Variants in MAST2 observed in about 807,000 individuals in gnomAD.
The protein encoded by MAST2 is microtubule associated serine/threonine kinase 2.
A neutral mutation model predicts 147.4 loss-of-function variants in MAST2; 70 were observed. The observed-to-expected ratio is 0.47, with a 90% CI of 0.39 to 0.58. The LOEUF is 0.58. MAST2 is among the 20% of genes least tolerant of loss of function. The pLI is 0.00. For missense variants in MAST2, 2,080 were observed against 2,302.3 expected (o/e 0.90, Z 1.98); for synonymous variants, 869 against 896.8 (o/e 0.97, Z 0.55).
intron 3 of MAST2, among the ~76,000 whole-genome samples, chr1:45,875,608 G>T (rs1436093207): frequency 6.6e-6 from 1 of 152,142 alleles, no homozygotes; most frequent in Non-Finnish European, 1.5e-5. Context: ...GTTATAGGAT[G>T]ATGGTGGCTT....
At chr1:45,804,685 C>G (rs1644087171) in intron 1 of MAST2, among the ~76,000 whole-genome samples, 1 of 152,196 alleles carries the variant, frequency 6.6e-6, no homozygotes, top group African/African-American at 2.4e-5. Flanking sequence ...TAGTTTTCCA[C>G]TGAAAACACA....
At chr1:46,000,051 C>T (rs561086918) in intron 6 of MAST2, among the ~76,000 whole-genome samples, 1 of 152,258 alleles carries the variant, frequency 6.6e-6, no homozygotes, top group Non-Finnish European at 1.5e-5. Context: ...CAGTGGCTCA[C>T]GCCTGTAATC....
chr1:45,940,378 G>A (rs1421116618), intron 4 of MAST2, among the ~76,000 whole-genome samples: 3 of 152,028 alleles, frequency 2.0e-5, no homozygotes, highest in Non-Finnish European at 4.4e-5. Context: ...TTATTTCTAA[G>A]TATTTTAATA....
At chr1:45,849,117 T>G (rs1480838457) in intron 3 of MAST2, among the ~76,000 whole-genome samples, 2 of 152,216 alleles carry the variant, frequency 1.3e-5, no homozygotes, top group South Asian at 2.1e-4. Context: ...ACCATGCTCA[T>G]GGATAGGAAG....
At chr1:46,028,249 G>A (rs1453165115) in intron 17 of MAST2, among the ~76,000 whole-genome samples, 2 of 152,172 alleles carry the variant, frequency 1.3e-5, no homozygotes, top group African/African-American at 4.8e-5. Flanking sequence ...TCATATAACT[G>A]TTAGCACAGA....
rs557327108 is a variant in MAST2, at chr1:45,849,804, G to A, written c.468+20223G>A. Reference sequence around the variant, plus strand: ...GCCTCCCAAAGTGCTGGGATTACAGGCGTGAGCCACTGTGCCCCGCCCATA... The same window carrying A: ...GCCTCCCAAAGTGCTGGGATTACAGACGTGAGCCACTGTGCCCCGCCCATA... On this transcript the variant is annotated intron_variant, in intron 3 of 28. Transcript: ENST00000361297. Among the ~76,000 whole-genome samples the A allele has an allele frequency of 5.3e-5, 8 of 152,330 alleles. No homozygotes were observed. The East Asian group carries it at 1.5e-3, about 29-fold the overall frequency.
chr1:45,825,076 A>C (rs960462629), intron 2 of MAST2, among the ~76,000 whole-genome samples: 2 of 152,164 alleles, frequency 1.3e-5, no homozygotes, highest in Non-Finnish European at 2.9e-5. Context: ...CCCAGGCTGG[A>C]GTGCAGTGGT....
At chr1:45,978,004 C>T (rs1195099315) in intron 5 of MAST2, among the ~76,000 whole-genome samples, 1 of 151,596 alleles carries the variant, frequency 6.6e-6, no homozygotes, top group Non-Finnish European at 1.5e-5. Flanking sequence ...TCACTTGAGC[C>T]GAGGAGTTCG....
In MAST2 at chr1:46,023,811, C is replaced by T; in HGVS notation, c.1611C>T (p.Arg537=). 6.2e-7 allele frequency: 1 copy of T among 1,614,116 alleles called. No homozygotes were observed. Among genetic ancestry groups the T allele is most frequent in the South Asian group, 1.1e-5 (1 of 91,072 alleles). The stretch of plus-strand genomic sequence containing the variant: ...TGCGGCACAAGTCCACCCGGCAGCG[C>T]TTTGCCATGAAGAAGATCAACAAGC... ...FLVRHKSTRQ[R]FAMKKINKQN... The change falls in exon 15 of 29, where the codon CGC becomes CGT. Residue 537 remains arginine, a synonymous_variant. Transcript: ENST00000361297. This position sits in a 1 kb window ranked among gnomAD's most constrained non-coding sequence, Gnocchi z 4.9.
At chr1:46,006,090 A>C in intron 7 of MAST2, 151 bp from the exon 8 acceptor site, 1 of 671,860 alleles carries the variant, frequency 1.5e-6, no homozygotes. Flanking sequence ...AACAGGATCA[A>C]GCACAGGCAA....
chr1:46,006,756 A>C (rs927718354), intron 8 of MAST2, among the ~76,000 whole-genome samples: 1 of 152,178 alleles, frequency 6.6e-6, no homozygotes, highest in African/African-American at 2.4e-5. Context: ...GGAGGTATTT[A>C]ACAATACTGT....
At chr1:45,981,457 A>T (rs1461946411) in intron 5 of MAST2, among the ~76,000 whole-genome samples, 3 of 152,068 alleles carry the variant, frequency 2.0e-5, no homozygotes, top group African/African-American at 7.2e-5. Flanking sequence ...GGATGATGTT[A>T]TCTATAGGAG....
At chr1:45,972,560 T>G (rs1031513471) in intron 5 of MAST2, among the ~76,000 whole-genome samples, 7 of 152,226 alleles carry the variant, frequency 4.6e-5, no homozygotes, top group African/African-American at 1.7e-4. Flanking sequence ...TCCATCCCTC[T>G]TTACTCCCTG....
At chr1:45,853,116 G>A (rs181724056) in intron 3 of MAST2, among the ~76,000 whole-genome samples, 15 of 152,046 alleles carry the variant, frequency 9.9e-5, no homozygotes, top group African/African-American at 3.6e-4. Flanking sequence ...TTTTAGTAGA[G>A]ACAGGGTTTC....
At chr1:45,844,177 G>A (rs763904541) in intron 3 of MAST2, among the ~76,000 whole-genome samples, 4 of 151,884 alleles carry the variant, frequency 2.6e-5, no homozygotes, top group Non-Finnish European at 5.9e-5. Flanking sequence ...TTGGCTCACC[G>A]CAGTGTCAAC....
intron 4 of MAST2, among the ~76,000 whole-genome samples, chr1:45,937,848 G>C (rs988042974): frequency 1.4e-5 from 2 of 145,168 alleles, no homozygotes; most frequent in Non-Finnish European, 3.0e-5. Context: ...ATTGCCTATT[G>C]TAATCTCTTC....
chr1:46,034,502 G>A, intron 28 of MAST2, 36 bp from the exon 29 acceptor site: 1 of 1,585,578 alleles, frequency 6.3e-7, no homozygotes, highest in Non-Finnish European at 8.6e-7. Flanking sequence ...ACACTGCTCT[G>A]CTTTTGTCTG....
intron 3 of MAST2, among the ~76,000 whole-genome samples, chr1:45,880,966 C>CAAA (rs10660375): frequency 0.087 from 7,755 of 89,540 alleles, 427 homozygotes; most frequent in African/African-American, 0.18. Context: ...GACTCCATCT[C>CAAA]AAAAAAAAAA....
In MAST2 at chr1:45,827,743, G is replaced by A. The variant is rs1284104241; in HGVS notation, c.326-1696G>A. 2.0e-5 allele frequency among the ~76,000 whole-genome samples: 3 copies of A among 152,110 alleles called. No individual in the cohort carries two copies. In the East Asian group the frequency reaches 5.8e-4, roughly 29 times the overall value. ...TTGAAAACTTAACTAGATTTTAAAAGTATATTGTAATTTTCTAGTAAAACA... is the reference window on the plus strand; with the variant it reads ...TTGAAAACTTAACTAGATTTTAAAAATATATTGTAATTTTCTAGTAAAACA... On this transcript the variant is annotated intron_variant, in intron 2 of 28. Coordinates refer to ENST00000361297, the MANE Select transcript of MAST2 (RefSeq NM_015112.3).
Sources: allele counts gnomAD v4.1 joint callset (sites outside exome capture counted in the v4.1 genomes callset), GRCh38; gene constraint gnomAD v4.1.1; non-coding constraint Gnocchi (gnomAD v3.1); transcripts MANE v1.5; gene names NCBI Gene and HGNC (gene_info 2026-07-23, HGNC 2026-07-21).